The following ADGRL3 variants were observed in gnomAD, a reference collection of about 807,000 sequenced individuals.
ADGRL3 encodes the protein calcium-independent alpha-latrotoxin receptor 3.
Under a neutral mutation model 153.5 loss-of-function variants are expected in ADGRL3, and 62 were observed. The ratio of observed to expected loss-of-function variants is 0.40; its 90% CI spans 0.33 to 0.50. The LOEUF is 0.50. Among genes scored for constraint, ADGRL3 ranks in the 20% least tolerant of loss-of-function variants. The probability of loss-of-function intolerance (pLI) is 0.47; values close to 1 mark genes in which losing one functional copy is unlikely to be tolerated. For synonymous variants in ADGRL3, 710 were observed against 672.5 expected (o/e 1.06, Z -0.86); for missense variants, 1,641 against 1,859.4 (o/e 0.88, Z 2.16).
intron 1 of ADGRL3, among the ~76,000 whole-genome samples, chr4:61,243,009 C>T (rs995969633): frequency 9.2e-5 from 14 of 152,014 alleles, no homozygotes; most frequent in Admixed American, 9.2e-4. Flanking sequence ...CATAAGCAGT[C>T]TACAAACAGC....
intron 2 of ADGRL3, among the ~76,000 whole-genome samples, chr4:61,471,330 T>A (rs1342348727): frequency 6.6e-6 from 1 of 151,810 alleles, no homozygotes; most frequent in East Asian, 1.9e-4. Context: ...CAAAATTACA[T>A]AAAATGCATT....
At chr4:61,973,241 C>T (rs1319964343) in intron 17 of ADGRL3, among the ~76,000 whole-genome samples, 1 of 151,722 alleles carries the variant, frequency 6.6e-6, no homozygotes, top group East Asian at 1.9e-4. Flanking sequence ...GTCACATTTC[C>T]CTGTTCCAGA....
At chr4:62,009,103 A>T (rs1178128434) in intron 21 of ADGRL3, among the ~76,000 whole-genome samples, 1 of 152,180 alleles carries the variant, frequency 6.6e-6, no homozygotes, top group Non-Finnish European at 1.5e-5. Flanking sequence ...ACCTAAGGAC[A>T]CATTTCTCAG....
At chr4:61,600,596 TA>T (rs2099007376) in intron 5 of ADGRL3, among the ~76,000 whole-genome samples, 2 of 152,204 alleles carry the variant, frequency 1.3e-5, no homozygotes, top group African/African-American at 4.8e-5. Flanking sequence ...AGGCTTATTA[TA>T]AACATAGAAA....
At chr4:61,626,915 C>A (rs767017342) in intron 5 of ADGRL3, among the ~76,000 whole-genome samples, 5 of 152,040 alleles carry the variant, frequency 3.3e-5, no homozygotes, top group Non-Finnish European at 5.9e-5. Context: ...TTGAGTTCCT[C>A]TCCGTATTTT....
chr4:61,648,946 T>G (rs1280770885), intron 5 of ADGRL3, among the ~76,000 whole-genome samples: 1 of 152,034 alleles, frequency 6.6e-6, no homozygotes, highest in Non-Finnish European at 1.5e-5. Flanking sequence ...AGTTATTCCT[T>G]TTCAGTATTT....
At position 61,857,678 on chromosome 4, in the gene ADGRL3, T is replaced by C. The variant is rs529743051; in HGVS notation, c.1481-34978T>C. Among the ~76,000 whole-genome samples, 4 of 151,102 alleles carry C rather than the reference T, an allele frequency of 2.6e-5. No individual in the cohort carries two copies. In the East Asian group the frequency reaches 7.9e-4, roughly 30 times the overall value. ...TTCCTTCCTTCTTTCTTCCTTTCTT[T>C]CTTCCTTCCTTTCTTCCTTCCTTTC... On this transcript the variant is annotated intron_variant, in intron 9 of 26. Coordinates refer to ENST00000683033, the MANE Select transcript of ADGRL3 (RefSeq NM_001387552.1).
At chr4:61,864,825 T>C (rs1217931097) in intron 9 of ADGRL3, among the ~76,000 whole-genome samples, 1 of 152,104 alleles carries the variant, frequency 6.6e-6, no homozygotes, top group Non-Finnish European at 1.5e-5. Flanking sequence ...CAAAGACACA[T>C]AAAAATAACA....
intron 3 of ADGRL3, among the ~76,000 whole-genome samples, chr4:61,512,642 T>C (rs540461178): frequency 9.2e-5 from 14 of 152,100 alleles, no homozygotes; most frequent in Non-Finnish European, 1.9e-4. Flanking sequence ...ATTTTGAGTA[T>C]GTTTTAGTAG....
At chr4:61,658,562 G>A (rs2094504581) in intron 5 of ADGRL3, among the ~76,000 whole-genome samples, 3 of 152,066 alleles carry the variant, frequency 2.0e-5, no homozygotes, top group African/African-American at 4.8e-5. Context: ...AGTGATGAAC[G>A]TGTGTTAGTA....
intron 5 of ADGRL3, among the ~76,000 whole-genome samples, chr4:61,631,164 T>G (rs2150021967): frequency 6.6e-6 from 1 of 152,278 alleles, no homozygotes; most frequent in African/African-American, 2.4e-5. Context: ...TCTAATGAAT[T>G]TGCACCTTTC....
intron 19 of ADGRL3, among the ~76,000 whole-genome samples, chr4:61,984,185 A>G (rs777516569): frequency 7.2e-5 from 11 of 152,196 alleles, no homozygotes; most frequent in Non-Finnish European, 1.2e-4. Flanking sequence ...TATGTTTGCA[A>G]TCTACATACA....
chr4:61,602,882 G>C (rs1352984479), intron 5 of ADGRL3, among the ~76,000 whole-genome samples: 2 of 152,096 alleles, frequency 1.3e-5, no homozygotes, highest in African/African-American at 4.8e-5. Context: ...GTAAACTCAG[G>C]AGTTCATCTA....
At chr4:61,984,193 ACATGT>A (rs2099077919) in intron 19 of ADGRL3, among the ~76,000 whole-genome samples, 1 of 152,224 alleles carries the variant, frequency 6.6e-6, no homozygotes, top group Non-Finnish European at 1.5e-5. Context: ...CAATCTACAT[ACATGT>A]AACAGTTGAG....
rs116000715 is a variant in ADGRL3 at position 61,388,207 on chromosome 4, A to T, written c.-174+5018A>T. Reference sequence around the variant, plus strand: ...ATAGAGGACCTTGGGCATGGTATCTATCCTCTCTTTGCTTCACTTTCCTCA... The same window carrying T: ...ATAGAGGACCTTGGGCATGGTATCTTTCCTCTCTTTGCTTCACTTTCCTCA... On this transcript the variant is annotated intron_variant, in intron 2 of 26. Transcript: ENST00000683033. 2.6e-5 allele frequency among the ~76,000 whole-genome samples: 4 copies of T among 152,260 alleles called. No individual in the cohort carries two copies. The East Asian group carries it at 7.7e-4, about 29-fold the overall frequency.
In ADGRL3 at chr4:62,073,369, G is replaced by T. The variant is rs1363202135; in HGVS notation, c.*2461G>T. ...AATCACAAGCGTTAATGATAATTAG[G>T]TTTTCTCACACCACACTATGGCAAT... is the stretch of plus-strand genomic sequence containing the variant. On this transcript the variant is annotated 3_prime_UTR_variant, in exon 27 of 27. Coordinates refer to ENST00000683033, the MANE Select transcript of ADGRL3 (RefSeq NM_001387552.1). 6.6e-6 allele frequency: 1 copy of T among 151,968 alleles called. No individual in the cohort carries two copies. Among genetic ancestry groups the T allele is most frequent in the Admixed American group, 6.6e-5 (1 of 15,246 alleles). 9.4% of individuals were successfully genotyped at this position (151,968 alleles called of 1,614,324 possible).
intron 8 of ADGRL3, among the ~76,000 whole-genome samples, chr4:61,766,283 A>C (rs1327774879): frequency 6.6e-6 from 1 of 152,140 alleles, no homozygotes; most frequent in African/African-American, 2.4e-5. Context: ...GGTATGAGGA[A>C]GAAAATAGAT....
At chr4:61,680,405 CGTGTGTGTGTGTGTGTGT>C (rs3075156) in intron 6 of ADGRL3, among the ~76,000 whole-genome samples, 53,301 of 144,092 alleles carry the variant, frequency 0.37, 10,970 homozygotes, top group Non-Finnish European at 0.49. Flanking sequence ...TATACATACT[CGTGTGTGTGTGTGTGTGT>C]GTGTGTGTGT....
intron 1 of ADGRL3, among the ~76,000 whole-genome samples, chr4:61,288,417 T>TGCTGCTGTTTC (rs1161361668): frequency 1.3e-5 from 2 of 152,012 alleles, no homozygotes; most frequent in Non-Finnish European, 2.9e-5. Flanking sequence ...GGTTGGTAGT[T>TGCTGCTGTTTC]GCTGCTGTTT....
Sources: gnomAD v4.1 joint callset for allele counts (sites outside exome capture counted in the v4.1 genomes callset) on GRCh38, gnomAD v4.1.1 for gene constraint, MANE v1.5 for transcripts, NCBI Gene and HGNC (gene_info 2026-07-23, HGNC 2026-07-21) for gene names.